CDCP1: variants seen among roughly 807,000 people sequenced by gnomAD.
CDCP1 encodes the protein CUB domain-containing protein 1.
Under a neutral mutation model 60.2 loss-of-function variants are expected in CDCP1, and 29 were observed. The ratio of observed to expected loss-of-function variants is 0.48; its 90% CI spans 0.36 to 0.66. CDCP1 has a LOEUF of 0.66. Ranked by LOEUF, CDCP1 falls within the 30% of genes least tolerant of loss-of-function variation. The pLI is 0.00. For missense variants in CDCP1, 876 were observed against 1,074.3 expected (o/e 0.82, Z 2.58); for synonymous variants, 387 against 431.1 (o/e 0.90, Z 1.27).
chr3:45,116,903 C>T (rs995628648), intron 2 of CDCP1, among the ~76,000 whole-genome samples: 7 of 152,186 alleles, frequency 4.6e-5, no homozygotes, highest in Admixed American at 4.6e-4. Context: ...ACGTTATACA[C>T]AGTCTCTTAC....
intron 8 of CDCP1, 145 bp from the exon 9 acceptor site, chr3:45,086,212 C>T (rs1041689627): frequency 1.4e-6 from 1 of 708,462 alleles, no homozygotes; most frequent in African/African-American, 1.8e-5. Context: ...GCATTTGAAA[C>T]TGAAACTACT....
chr3:45,134,945 T>C (rs1355362177), intron 1 of CDCP1, among the ~76,000 whole-genome samples: 3 of 152,202 alleles, frequency 2.0e-5, no homozygotes, highest in African/African-American at 2.4e-5. Context: ...AGGAAGGCCA[T>C]TATAGAAGAT....
In CDCP1 at chr3:45,085,819, G is replaced by C; in HGVS notation, c.2330C>G (p.Pro777Arg). The C allele has an allele frequency of 6.2e-7, 1 of 1,614,158 alleles. No individual in the cohort carries two copies. The highest frequency in any genetic ancestry group is 1.7e-4 in the Middle Eastern group (1 of 6,058). The part of the protein sequence containing the change: ...GTMGVCPPSP[P>R]TICSRAPTAK... ...AGTTGGGGCCCTGGAGCATATGGTG[G>C]GTGGGGAGGGAGGACAGACCCCCAT... The change falls in exon 9 of 9, where the codon CCC becomes CGC. Residue 777 changes from proline to arginine, a missense_variant. Pro to Arg is a moderately radical substitution (Grantham distance 103). This residue lies in a region of CDCP1 where 726 missense variants were observed against 935.7 expected (regional missense o/e 0.78). Transcript: ENST00000296129. The surrounding 1 kb of genome is among the most constrained non-coding windows in gnomAD (Gnocchi z 4.2).
At chr3:45,142,500 C>G (rs1038801207) in intron 1 of CDCP1, among the ~76,000 whole-genome samples, 4 of 152,182 alleles carry the variant, frequency 2.6e-5, no homozygotes, top group African/African-American at 9.7e-5. Context: ...GAGGAAAATG[C>G]TTCTTCCATA....
intron 8 of CDCP1, 44 bp from the exon 9 acceptor site, chr3:45,086,111 A>C: frequency 6.5e-7 from 1 of 1,540,754 alleles, no homozygotes; most frequent in Non-Finnish European, 8.9e-7. Context: ...AAAGGCAAGA[A>C]TCTTCGATGG....
Position 45,100,102 on chromosome 3 carries a change from G to A in CDCP1, c.1025-4534C>T, listed in dbSNP as rs59375867. On this transcript the variant is annotated intron_variant, in intron 4 of 8. Coordinates refer to ENST00000296129, the MANE Select transcript of CDCP1 (RefSeq NM_022842.5). ...ACTGGGCTTCTCAGTAGGGTGATAT[G>A]GCCAGATTGCTTCCTGGGGAGCCCA... Among the ~76,000 whole-genome samples, 1,437 of 152,266 alleles carry A rather than the reference G, an allele frequency of 9.4e-3. 27 individuals are homozygous for A. Among genetic ancestry groups the A allele is most frequent in the African/African-American group, 0.033 (1,359 of 41,548 alleles).
chr3:45,096,011 G>A (rs1324064063), intron 4 of CDCP1, among the ~76,000 whole-genome samples: 1 of 152,190 alleles, frequency 6.6e-6, no homozygotes. Context: ...GAAAATGCAA[G>A]TTAAAACAAA....
intron 4 of CDCP1, among the ~76,000 whole-genome samples, chr3:45,099,044 C>T (rs1306889066): frequency 1.3e-5 from 2 of 152,006 alleles, no homozygotes; most frequent in Admixed American, 1.3e-4. Flanking sequence ...GATCCTGGAT[C>T]TCCTTCACTG....
intron 4 of CDCP1, among the ~76,000 whole-genome samples, chr3:45,099,247 C>T (rs1162585006): frequency 2.0e-5 from 3 of 151,208 alleles, no homozygotes; most frequent in Admixed American, 2.0e-4. Context: ...GTCTTTATTC[C>T]ACCTTCACAC....
intron 1 of CDCP1, among the ~76,000 whole-genome samples, chr3:45,135,043 A>G (rs1423044057): frequency 6.6e-6 from 1 of 152,228 alleles, no homozygotes; most frequent in East Asian, 1.9e-4. Context: ...TGTTAAGTCA[A>G]CGAGGACAGC....
At chr3:45,127,262 GTTGTTCTTTTGTA>G (rs1424522768) in intron 1 of CDCP1, among the ~76,000 whole-genome samples, 2 of 152,152 alleles carry the variant, frequency 1.3e-5, no homozygotes, top group Non-Finnish European at 2.9e-5. Context: ...TTGGGGCGTG[GTTGTTCTTTTGTA>G]TTGTTCTTTT....
intron 6 of CDCP1, 36 bp downstream of exon 6, chr3:45,093,241 C>A: frequency 6.3e-7 from 1 of 1,582,242 alleles, no homozygotes; most frequent in South Asian, 1.1e-5. Flanking sequence ...AACGCTTAAA[C>A]TAAAGGGGCA....
At chr3:45,127,854 C>A (rs994270659) in intron 1 of CDCP1, among the ~76,000 whole-genome samples, 1 of 152,182 alleles carries the variant, frequency 6.6e-6, no homozygotes, top group Admixed American at 6.5e-5. Context: ...GCTTACCAGA[C>A]TCCCCTAGAA....
At chr3:45,112,518 C>T in intron 2 of CDCP1, 73 bp from the exon 3 acceptor site, 3 of 1,559,398 alleles carry the variant, frequency 1.9e-6, no homozygotes, top group East Asian at 4.5e-5. Context: ...CTCCACCACT[C>T]AGCCCCCTGT....
chr3:45,093,267 C>A lies in CDCP1; in HGVS notation c.1627+10G>T. Reference sequence around the variant, plus strand: ...TAAAGGGGCATGGAGATAGGGGAGACCCCCCTTACCTTTGAAATAAGGTAT... The same window carrying A: ...TAAAGGGGCATGGAGATAGGGGAGAACCCCCTTACCTTTGAAATAAGGTAT... On this transcript the variant is annotated intron_variant, in intron 6 of 8. Transcript: ENST00000296129. 6.2e-7 allele frequency: 1 copy of A among 1,609,088 alleles called. No homozygotes were observed. Among genetic ancestry groups the A allele is most frequent in the Non-Finnish European group, 8.5e-7 (1 of 1,176,752 alleles).
At chr3:45,098,948 T>G (rs999607824) in intron 4 of CDCP1, among the ~76,000 whole-genome samples, 2 of 152,120 alleles carry the variant, frequency 1.3e-5, no homozygotes, top group South Asian at 2.1e-4. Flanking sequence ...CATTAGGTAC[T>G]TCCTCAACTT....
At chr3:45,141,033 T>C (rs1699279710) in intron 1 of CDCP1, among the ~76,000 whole-genome samples, 1 of 152,116 alleles carries the variant, frequency 6.6e-6, no homozygotes, top group South Asian at 2.1e-4. Context: ...AAACCCCACC[T>C]CTACTAAAAA....
chr3:45,115,595 G>A (rs1348951153), intron 2 of CDCP1, among the ~76,000 whole-genome samples: 2 of 151,934 alleles, frequency 1.3e-5, no homozygotes, highest in African/African-American at 4.8e-5. Context: ...ATATATCAAC[G>A]TTCTCTTTAA....
At chr3:45,103,265 T>C (rs929766580) in intron 4 of CDCP1, among the ~76,000 whole-genome samples, 7 of 152,194 alleles carry the variant, frequency 4.6e-5, no homozygotes, top group African/African-American at 1.4e-4. Flanking sequence ...TTTTTTTCTC[T>C]CTGCAGAATG....
Sources: allele counts gnomAD v4.1 joint callset (sites outside exome capture counted in the v4.1 genomes callset), GRCh38; gene constraint gnomAD v4.1.1; regional missense constraint gnomAD v4.1.1; non-coding constraint Gnocchi (gnomAD v3.1); transcripts MANE v1.5; gene names NCBI Gene and HGNC (gene_info 2026-07-23, HGNC 2026-07-21).